The following CDRT4 variants were observed in gnomAD, a reference collection of about 807,000 sequenced individuals.
CDRT4 encodes the protein CMT1A duplicated region transcript 4.
For missense variants in CDRT4, 167 were observed against 193.1 expected, an observed-to-expected ratio of 0.87 and a Z score of 0.80; for synonymous variants, 64 against 69.6, an observed-to-expected ratio of 0.92 and a Z score of 0.40.
intron 1 of CDRT4, among the ~76,000 whole-genome samples, chr17:15,456,098 A>C (rs953509955): frequency 1.3e-5 from 2 of 152,212 alleles, no homozygotes; most frequent in Non-Finnish European, 2.9e-5. Context: ...ATTTCACTGC[A>C]TAATTCCTTC....
Position 15,437,335 on chromosome 17 carries a change from C to A in CDRT4, c.*438G>T. On this transcript the variant is annotated 3_prime_UTR_variant, in exon 4 of 4. Transcript: ENST00000619038. The stretch of plus-strand genomic sequence containing the variant: ...ATGAGTCCAGCATCTTCCCCTTGTT[C>A]CCAAGCCTCAAGTGTGATGCCTGCT... 4.8e-6 allele frequency: 1 copy of A among 207,836 alleles called. No individual in the cohort carries two copies. The allele number at this position is 207,836 out of a possible 1,614,324, so 12.9% of individuals were successfully genotyped here.
chr17:15,444,292 A>G, intron 2 of CDRT4: 1 of 498,452 alleles, frequency 2.0e-6, no homozygotes, highest in Non-Finnish European at 3.6e-6. Flanking sequence ...TGATTTGGAA[A>G]AAAAATGTCT....
rs928717971 is a variant in CDRT4, at chr17:15,443,282, C to T, written c.-47-2997G>A. On this transcript the variant is annotated intron_variant, in intron 2 of 3. Coordinates refer to ENST00000619038, the MANE Select transcript of CDRT4 (RefSeq NM_001204477.2). ...AGTTCTGTAATTTCTTTTTTTCTTT[C>T]TTTTTTTTTTTTTTAGAGACAGGGC... 1.6e-4 allele frequency among the ~76,000 whole-genome samples: 22 copies of T among 141,182 alleles called. 1 individual carries two copies. Among genetic ancestry groups the T allele is most frequent in the African/African-American group, 5.8e-4 (22 of 38,062 alleles). The allele number at this position is 141,182 out of a possible 152,430, so 92.6% of individuals were successfully genotyped here.
intron 2 of CDRT4, among the ~76,000 whole-genome samples, chr17:15,441,927 T>A (rs1012100252): frequency 6.6e-6 from 1 of 151,304 alleles, no homozygotes; most frequent in African/African-American, 2.4e-5. Context: ...CATGTCATCA[T>A]TTTTTTTTAA....
Position 15,457,154 on chromosome 17 carries a change from G to A in CDRT4, c.-129-4069C>T, listed in dbSNP as rs148782126. ...CTGCACCCTGTCTCCCTTCCAGCTC[G>A]AACCTCCTGCATGTCTCTGAAACCT... On this transcript the variant is annotated intron_variant, in intron 1 of 3. Transcript: ENST00000619038. Among the ~76,000 whole-genome samples, 148 of 152,082 alleles carry A rather than the reference G, an allele frequency of 9.7e-4. 2 individuals are homozygous for A. The highest frequency in any genetic ancestry group is 1.9e-4 in the Non-Finnish European group (13 of 67,988).
At position 15,439,273 on chromosome 17, in the gene CDRT4, T is replaced by TA. The variant is rs10707095; in HGVS notation, c.31+934dup. The TA allele has an allele frequency of 5.3e-3, 1,930 of 365,282 alleles. 2 individuals carry two copies. Among genetic ancestry groups the TA allele is most frequent in the East Asian group, 0.014 (183 of 12,718 alleles). The allele number at this position is 365,282 out of a possible 1,614,324, so 22.6% of individuals were successfully genotyped here. On this transcript the variant is annotated intron_variant, in intron 3 of 3. Coordinates refer to ENST00000619038, the MANE Select transcript of CDRT4 (RefSeq NM_001204477.2). The stretch of plus-strand genomic sequence containing the variant: ...TTGCCATCTCCAAATTGAATGCAGT[T>TA]AAAAAAAAAAATGCCGTAAATGGGG...
intron 2 of CDRT4, among the ~76,000 whole-genome samples, chr17:15,445,454 C>A (rs1317197610): frequency 1.3e-5 from 2 of 152,106 alleles, no homozygotes; most frequent in African/African-American, 4.8e-5. Flanking sequence ...TGTAATTCTC[C>A]AAAAGGAAGA....
Position 15,437,519 on chromosome 17 carries a change from T to C in CDRT4, c.*254A>G. The C allele has an allele frequency of 1.9e-6, 1 of 525,600 alleles. No individual in the cohort carries two copies. 32.6% of individuals were successfully genotyped at this position (525,600 alleles called of 1,614,324 possible). On this transcript the variant is annotated 3_prime_UTR_variant, in exon 4 of 4. Coordinates refer to ENST00000619038, the MANE Select transcript of CDRT4 (RefSeq NM_001204477.2). Reference sequence around the variant, plus strand: ...ATCACCCACATTTTGGTCCTGAGAATCTGCAGCAGAGACTAGAGCCAGGGA... The same window carrying C: ...ATCACCCACATTTTGGTCCTGAGAACCTGCAGCAGAGACTAGAGCCAGGGA...
At chr17:15,439,268 G>T in intron 3 of CDRT4, 1 of 408,354 alleles carries the variant, frequency 2.4e-6, no homozygotes, top group Admixed American at 2.9e-5. Flanking sequence ...CAAATTGAAT[G>T]CAGTTAAAAA....
rs560386126 is a variant in CDRT4 at position 15,440,038 on chromosome 17, T to C, written c.31+170A>G. On this transcript the variant is annotated intron_variant, in intron 3 of 3. Coordinates refer to ENST00000619038, the MANE Select transcript of CDRT4 (RefSeq NM_001204477.2). ...CACCAACATGTCACATGTATACATATGTAACAAACCTGCACGTTGTGCACA... is the reference window on the plus strand; with the variant it reads ...CACCAACATGTCACATGTATACATACGTAACAAACCTGCACGTTGTGCACA... 1.2e-4 allele frequency among the ~76,000 whole-genome samples: 18 copies of C among 151,940 alleles called. 1 individual carries two copies. The highest frequency in any genetic ancestry group is 1.5e-4 in the Non-Finnish European group (10 of 67,956).
At chr17:15,456,607 G>A (rs888056333) in intron 1 of CDRT4, among the ~76,000 whole-genome samples, 2 of 144,462 alleles carry the variant, frequency 1.4e-5, no homozygotes, top group African/African-American at 2.9e-5. Context: ...CGGCTCAGGA[G>A]TAGGTTTCCA....
At chr17:15,438,934 A>C (rs962090152) in intron 3 of CDRT4, among the ~76,000 whole-genome samples, 1 of 152,216 alleles carries the variant, frequency 6.6e-6, no homozygotes, top group Non-Finnish European at 1.5e-5. Flanking sequence ...ACAAGGCTCA[A>C]AAAAACCAAA....
chr17:15,444,348 C>T (rs1441036405), intron 2 of CDRT4, among the ~76,000 whole-genome samples: 4 of 152,074 alleles, frequency 2.6e-5, no homozygotes, highest in Non-Finnish European at 5.9e-5. Flanking sequence ...AACTTTGCAG[C>T]ACATTGGAAT....
chr17:15,459,439 C>CTTTTTTTTTTT lies in CDRT4; in HGVS notation c.-129-6365_-129-6355dup, dbSNP rs35161691. Among the ~76,000 whole-genome samples the CTTTTTTTTTTT allele has an allele frequency of 5.7e-3, 616 of 107,502 alleles. 1 individual carries two copies. The highest frequency in any genetic ancestry group is 7.9e-3 in the Non-Finnish European group (442 of 56,062). 70.5% of individuals were successfully genotyped at this position (107,502 alleles called of 152,430 possible). The stretch of plus-strand genomic sequence containing the variant: ...CTATTGAGTTGATTTCTTTTTTTTT[C>CTTTTTTTTTTT]TTTTTTTTTTTTTTTTTTTTTGTGA... On this transcript the variant is annotated intron_variant, in intron 1 of 3. Coordinates refer to ENST00000619038, the MANE Select transcript of CDRT4 (RefSeq NM_001204477.2).
intron 1 of CDRT4, among the ~76,000 whole-genome samples, chr17:15,458,681 C>T (rs1979601703): frequency 6.6e-6 from 1 of 152,198 alleles, no homozygotes; most frequent in Admixed American, 6.5e-5. Flanking sequence ...GGATACACCA[C>T]CGAAGGCTTA....
At chr17:15,439,319 T>C (rs1420597843) in intron 3 of CDRT4, among the ~76,000 whole-genome samples, 2 of 151,838 alleles carry the variant, frequency 1.3e-5, no homozygotes, top group African/African-American at 4.8e-5. Flanking sequence ...GAAGTGTAGG[T>C]CGTATAGTTA....
rs985585727 is a variant in CDRT4 at position 15,450,989 on chromosome 17, T to G, written c.-48+2015A>C. Among the ~76,000 whole-genome samples the G allele has an allele frequency of 2.6e-5, 4 of 152,172 alleles. No individual in the cohort carries two copies. The highest frequency in any genetic ancestry group is 9.6e-5 in the African/African-American group (4 of 41,452). On this transcript the variant is annotated intron_variant, in intron 2 of 3. Coordinates refer to ENST00000619038, the MANE Select transcript of CDRT4 (RefSeq NM_001204477.2). The surrounding 1 kb of genome is among the most constrained non-coding windows in gnomAD (Gnocchi z 4.2). Reference sequence around the variant, plus strand: ...TCTACTAACTGAACTACTGAACACCTGCTACTGGTCTCCCTGCTTCCACTC... The same window carrying G: ...TCTACTAACTGAACTACTGAACACCGGCTACTGGTCTCCCTGCTTCCACTC...
chr17:15,443,543 A>T, intron 2 of CDRT4: 1 of 212,966 alleles, frequency 4.7e-6, no homozygotes, highest in South Asian at 7.1e-5. Flanking sequence ...TCTGCGTCCC[A>T]AAGTGCCGGG....
chr17:15,443,062 C>T (rs995083414), intron 2 of CDRT4, among the ~76,000 whole-genome samples: 1 of 152,092 alleles, frequency 6.6e-6, no homozygotes, highest in Non-Finnish European at 1.5e-5. Flanking sequence ...GCTTTCAGAG[C>T]CAGCTCCCCA....
Sources: allele counts gnomAD v4.1 joint callset (sites outside exome capture counted in the v4.1 genomes callset), GRCh38; gene constraint gnomAD v4.1.1; non-coding constraint Gnocchi (gnomAD v3.1); transcripts MANE v1.5; gene names NCBI Gene and HGNC (gene_info 2026-07-23, HGNC 2026-07-21).